Variants in FGL1 observed in about 807,000 individuals in gnomAD.
FGL1 encodes the protein fibrinogen like 1, also known as fibrinogen-like protein 1.
Under a neutral mutation model 43.7 loss-of-function variants are expected in FGL1, and 59 were observed. The ratio of observed to expected loss-of-function variants is 1.35; its 90% CI spans 1.10 to 1.68. The LOEUF (loss-of-function observed/expected upper bound fraction) is 1.68, where lower values mean the gene tolerates loss of function less well. FGL1 is among the 40% of genes most tolerant of loss of function. The pLI is 0.00. For synonymous variants in FGL1, 192 were observed against 126.5 expected (o/e 1.52, Z -3.48); for missense variants, 596 against 373.0 (o/e 1.60, Z -4.92).
intron 3 of FGL1, among the ~76,000 whole-genome samples, chr8:17,877,737 A>G (rs533049470): frequency 2.0e-5 from 3 of 152,324 alleles, no homozygotes; most frequent in South Asian, 2.1e-4. Context: ...TGAGGTGTCC[A>G]TCCCTTCAAG....
intron 3 of FGL1, among the ~76,000 whole-genome samples, chr8:17,878,912 A>T (rs948526947): frequency 6.7e-6 from 1 of 149,020 alleles, no homozygotes; most frequent in African/African-American, 2.4e-5. Flanking sequence ...TATATATATA[A>T]AACACTATAC....
chr8:17,869,452 G>A lies in FGL1; in HGVS notation c.503-448C>T, dbSNP rs74498576. 9.8e-3 allele frequency among the ~76,000 whole-genome samples: 1,488 copies of A among 152,274 alleles called. 23 individuals are homozygous for A. The highest frequency in any genetic ancestry group is 0.034 in the African/African-American group (1,400 of 41,562). On this transcript the variant is annotated intron_variant, in intron 5 of 7. Coordinates refer to ENST00000427924, the MANE Select transcript of FGL1 (RefSeq NM_004467.4). Reference sequence around the variant, plus strand: ...CTCTAGTAGCTGAGCCACTAGGTTTGTAAAATGTAGTTGCCATTGCCTGCA... The same window carrying A: ...CTCTAGTAGCTGAGCCACTAGGTTTATAAAATGTAGTTGCCATTGCCTGCA...
chr8:17,894,675 A>G (rs2053750513), intron 1 of FGL1, among the ~76,000 whole-genome samples: 1 of 146,626 alleles, frequency 6.8e-6, no homozygotes, highest in Non-Finnish European at 1.5e-5. Flanking sequence ...ACAAAGTGAG[A>G]CTCCATCTCA....
At chr8:17,895,179 A>T (rs1352597707) in intron 1 of FGL1, 6 of 497,450 alleles carry the variant, frequency 1.2e-5, no homozygotes, top group African/African-American at 4.2e-5. Flanking sequence ...GAATATCTTA[A>T]GTTCTCTAAA....
intron 1 of FGL1, chr8:17,895,114 A>G (rs1396992587): frequency 3.7e-5 from 8 of 214,200 alleles, no homozygotes; most frequent in Non-Finnish European, 6.4e-5. Context: ...AAATGTAATT[A>G]TACATATTTA....
At chr8:17,875,547 T>TCTCTCTCTCTCTCTCTCTC (rs1563452433) in intron 3 of FGL1, among the ~76,000 whole-genome samples, 1 of 16,244 alleles carries the variant, frequency 6.2e-5, no homozygotes, top group African/African-American at 1.6e-4. Flanking sequence ...CTTTCTTTCT[T>TCTCTCTCTCTCTCTCTCTC]TCTTTCTTTC....
chr8:17,894,692 C>G (rs1173879207), intron 1 of FGL1, among the ~76,000 whole-genome samples: 1 of 145,940 alleles, frequency 6.9e-6, no homozygotes, highest in Non-Finnish European at 1.5e-5. Context: ...CTCAAAAAAC[C>G]AACAAACAAA....
rs1451341999 is a variant in FGL1 at position 17,875,576 on chromosome 8, T to C, written c.245-1055A>G. Among the ~76,000 whole-genome samples, 173 of 23,258 alleles carry C rather than the reference T, an allele frequency of 7.4e-3. 4 individuals are homozygous for C. The highest frequency in any genetic ancestry group is 0.016 in the African/African-American group (153 of 9,826). 15.3% of individuals were successfully genotyped at this position (23,258 alleles called of 152,430 possible). A position where few individuals can be genotyped will look rare whatever the true frequency, so the allele number is the denominator to read the frequency against. ...TTCTTTCTTTCTTTCTTTCTTTCTTTCTTTCTTTCTTTCTTTCTTTCTTTC... is the reference window on the plus strand; with the variant it reads ...TTCTTTCTTTCTTTCTTTCTTTCTTCCTTTCTTTCTTTCTTTCTTTCTTTC... On this transcript the variant is annotated intron_variant, in intron 3 of 7. Transcript: ENST00000427924.
chr8:17,890,162 C>G lies in FGL1; in HGVS notation c.-17-4591G>C, dbSNP rs2053684165. ...AAAGTAACTTTCCTAAGGAAAGACT[C>G]TACGTTCAAAATTTATACAACATCC... is the stretch of plus-strand genomic sequence containing the variant. On this transcript the variant is annotated intron_variant, in intron 1 of 7. Coordinates refer to ENST00000427924, the MANE Select transcript of FGL1 (RefSeq NM_004467.4). Among the ~76,000 whole-genome samples the G allele has an allele frequency of 2.0e-5, 3 of 152,194 alleles. No individual in the cohort carries two copies. The South Asian group carries it at 6.2e-4, about 31-fold the overall frequency.
chr8:17,864,971 A>G (rs1033634813), intron 7 of FGL1, among the ~76,000 whole-genome samples: 1 of 151,880 alleles, frequency 6.6e-6, no homozygotes, highest in African/African-American at 2.4e-5. Context: ...TTAATAATAG[A>G]GACAGTGTCT....
intron 4 of FGL1, 101 bp from the exon 5 acceptor site, chr8:17,874,217 G>T: frequency 7.4e-7 from 1 of 1,348,996 alleles, no homozygotes; most frequent in South Asian, 1.3e-5. Context: ...ATATTTTCTT[G>T]ATTAGTTAAT....
At chr8:17,893,431 A>G (rs1013104109) in intron 1 of FGL1, among the ~76,000 whole-genome samples, 1 of 149,896 alleles carries the variant, frequency 6.7e-6, no homozygotes, top group African/African-American at 2.4e-5. Context: ...AGATTATATT[A>G]TATATACATT....
chr8:17,881,164 T>G (rs1268368778), intron 3 of FGL1, among the ~76,000 whole-genome samples: 6 of 147,944 alleles, frequency 4.1e-5, no homozygotes, highest in Non-Finnish European at 6.0e-5. Context: ...TGAGACAGAG[T>G]CTTATTGTGT....
intron 5 of FGL1, among the ~76,000 whole-genome samples, chr8:17,869,693 T>C (rs2053327381): frequency 6.6e-6 from 1 of 152,190 alleles, no homozygotes; most frequent in South Asian, 2.1e-4. Context: ...TCTGGAGAAA[T>C]GCTGTACCAC....
Position 17,882,135 on chromosome 8 carries a change from C to T in FGL1, c.108G>A (p.Gln36=). 2 of 1,613,998 alleles carry T rather than the reference C, an allele frequency of 1.2e-6. No individual in the cohort carries two copies. Among genetic ancestry groups the T allele is most frequent in the Admixed American group, 1.7e-5 (1 of 60,006 alleles). The change falls in exon 3 of 8, where the codon CAG becomes CAA. Residue 36 remains glutamine (Q), a synonymous_variant. Transcript: ENST00000427924. ...TGACCCGGGTCTCAAGCAGGCGCAC[C>T]TGGGCTCTGAGCCGCATCTGCTCCT... The part of the protein sequence containing the change: ...CAQEQMRLRA[Q]VRLLETRVKQ...
intron 2 of FGL1, among the ~76,000 whole-genome samples, chr8:17,884,773 G>A (rs1296254533): frequency 6.6e-6 from 1 of 152,096 alleles, no homozygotes; most frequent in African/African-American, 2.4e-5. Flanking sequence ...TATTTAGTAA[G>A]CTTATTTAAA....
intron 5 of FGL1, among the ~76,000 whole-genome samples, chr8:17,871,835 T>C (rs1057472702): frequency 2.0e-5 from 3 of 152,178 alleles, no homozygotes; most frequent in African/African-American, 4.8e-5. Flanking sequence ...GAGTACCAAG[T>C]TGATATATGA....
chr8:17,876,386 T>G (rs925764416), intron 3 of FGL1, among the ~76,000 whole-genome samples: 11 of 152,292 alleles, frequency 7.2e-5, no homozygotes, highest in African/African-American at 2.2e-4. Flanking sequence ...CTTAGTCATT[T>G]TATAAAGCCT....
At chr8:17,893,401 A>G (rs1264644061) in intron 1 of FGL1, among the ~76,000 whole-genome samples, 4 of 150,572 alleles carry the variant, frequency 2.7e-5, no homozygotes, top group African/African-American at 9.7e-5. Context: ...ACATTATTAT[A>G]CATAATATGT....
Sources: allele counts gnomAD v4.1 joint callset (sites outside exome capture counted in the v4.1 genomes callset), GRCh38; gene constraint gnomAD v4.1.1; transcripts MANE v1.5; gene names NCBI Gene and HGNC (gene_info 2026-07-23, HGNC 2026-07-21).